The following MACROD2 variants were observed in gnomAD, a reference collection of about 807,000 sequenced individuals.
MACROD2 encodes the protein ADP-ribose glycohydrolase MACROD2.
MACROD2 carries 36 observed loss-of-function variants against 70.4 expected under a neutral mutation model. That is an observed-to-expected ratio of 0.51 (90% CI 0.39 to 0.68). The LOEUF is 0.68. MACROD2 is among the 30% of genes least tolerant of loss of function. The probability of loss-of-function intolerance (pLI) is 0.00; values close to 1 mark genes in which losing one functional copy is unlikely to be tolerated. For synonymous variants in MACROD2, 172 were observed against 178.8 expected (o/e 0.96, Z 0.30); for missense variants, 496 against 538.4 (o/e 0.92, Z 0.78).
chr20:14,050,987 G>A (rs185748695), intron 2 of MACROD2, among the ~76,000 whole-genome samples: 45 of 152,290 alleles, frequency 3.0e-4, no homozygotes, highest in Non-Finnish European at 5.1e-4. Flanking sequence ...TAATGCCGTG[G>A]CGTATTAGAT....
At chr20:15,468,296 A>G (rs1238378884) in intron 7 of MACROD2, among the ~76,000 whole-genome samples, 2 of 148,648 alleles carry the variant, frequency 1.3e-5, no homozygotes, top group East Asian at 3.9e-4. Flanking sequence ...TATTCAATTA[A>G]AAAAAAAAAG....
chr20:14,886,201 G>T (rs1033656501), intron 5 of MACROD2, among the ~76,000 whole-genome samples: 1 of 152,120 alleles, frequency 6.6e-6, no homozygotes, highest in Middle Eastern at 3.4e-3. Flanking sequence ...TGAAGTGAGG[G>T]GTCTAGCTAT....
Position 14,002,410 on chromosome 20 carries a change from T to A in MACROD2, c.163+6T>A. On this transcript the variant is annotated splice_donor_region_variant and intron_variant, in intron 2 of 17. Coordinates refer to ENST00000684519, the MANE Select transcript of MACROD2 (RefSeq NM_001351661.2). ...GGGCAAGGGCCAAAATGATGGTAAG[T>A]TTCTCGGAACATTTTTTAGGTAGAT... The A allele has an allele frequency of 6.4e-7, 1 of 1,553,688 alleles. No individual in the cohort carries two copies. The highest frequency in any genetic ancestry group is 8.8e-7 in the Non-Finnish European group (1 of 1,141,478).
At chr20:16,034,716 G>A (rs2147592676) in intron 15 of MACROD2, among the ~76,000 whole-genome samples, 1 of 151,810 alleles carries the variant, frequency 6.6e-6, no homozygotes, top group African/African-American at 2.4e-5. Context: ...GGTTACATGA[G>A]TAAGTTCTTT....
intron 8 of MACROD2, among the ~76,000 whole-genome samples, chr20:15,848,155 T>G (rs1045564598): frequency 7.9e-5 from 12 of 152,194 alleles, no homozygotes; most frequent in Admixed American, 7.2e-4. Flanking sequence ...GGAGAAATTC[T>G]TTTGGAAGTT....
chr20:14,803,717 G>A (rs1462209531), intron 5 of MACROD2, among the ~76,000 whole-genome samples: 1 of 152,022 alleles, frequency 6.6e-6, no homozygotes, highest in African/African-American at 2.4e-5. Context: ...CTGACCTCAG[G>A]CGATTCACCC....
At chr20:15,097,169 C>A (rs1206951636) in intron 5 of MACROD2, among the ~76,000 whole-genome samples, 1 of 152,078 alleles carries the variant, frequency 6.6e-6, no homozygotes, top group Non-Finnish European at 1.5e-5. Context: ...CCAAAAATTA[C>A]CTCAATATTT....
chr20:14,569,962 T>G (rs1980078307), intron 4 of MACROD2, among the ~76,000 whole-genome samples: 2 of 152,038 alleles, frequency 1.3e-5, no homozygotes, highest in African/African-American at 2.4e-5. Context: ...AGAAACATAT[T>G]TGGTAATAGA....
At chr20:14,874,775 G>A (rs1311478012) in intron 5 of MACROD2, among the ~76,000 whole-genome samples, 1 of 151,526 alleles carries the variant, frequency 6.6e-6, no homozygotes, top group Non-Finnish European at 1.5e-5. Flanking sequence ...TGCAATCTTG[G>A]CTCACTGCAG....
chr20:14,178,754 G>A lies in MACROD2; in HGVS notation c.271+93026G>A, dbSNP rs891945683. Among the ~76,000 whole-genome samples the A allele has an allele frequency of 1.2e-4, 14 of 120,650 alleles. No individual in the cohort carries two copies. In the East Asian group the frequency reaches 2.3e-3, roughly 20 times the overall value. The allele number at this position is 120,650 out of a possible 152,430, so 79.2% of individuals were successfully genotyped here. A position where few individuals can be genotyped will look rare whatever the true frequency, so the allele number is the denominator to read the frequency against. ...TTTTTTTTTTTTTTTTTTTTTGACC[G>A]TAGTGAGGAGTCATCTAGAGGTTTG... is the stretch of plus-strand genomic sequence containing the variant. On this transcript the variant is annotated intron_variant, in intron 3 of 17. Transcript: ENST00000684519.
intron 3 of MACROD2, among the ~76,000 whole-genome samples, chr20:14,284,711 A>G (rs1374037156): frequency 6.6e-6 from 1 of 152,214 alleles, no homozygotes; most frequent in African/African-American, 2.4e-5. Context: ...AAAGGCCTGT[A>G]GCAATCTCAG....
chr20:14,576,673 GT>G (rs1011240433), intron 4 of MACROD2, among the ~76,000 whole-genome samples: 1 of 152,130 alleles, frequency 6.6e-6, no homozygotes, highest in African/African-American at 2.4e-5. Flanking sequence ...TGCACTTTCT[GT>G]TTGCAAACAC....
At chr20:14,520,985 A>ACG (rs1208227997) in intron 4 of MACROD2, among the ~76,000 whole-genome samples, 4 of 151,470 alleles carry the variant, frequency 2.6e-5, no homozygotes, top group African/African-American at 9.7e-5. Flanking sequence ...GCACACACAC[A>ACG]CCCCCCAAAT....
At chr20:15,703,988 T>A (rs1264743016) in intron 8 of MACROD2, among the ~76,000 whole-genome samples, 1 of 152,160 alleles carries the variant, frequency 6.6e-6, no homozygotes, top group Admixed American at 6.5e-5. Flanking sequence ...TTGACACAGA[T>A]CAGTCTTAAT....
chr20:14,009,007 C>T (rs368054647), intron 2 of MACROD2, among the ~76,000 whole-genome samples: 9 of 152,132 alleles, frequency 5.9e-5, no homozygotes, highest in African/African-American at 2.2e-4. Flanking sequence ...AAACCCCAAA[C>T]TAAAAATCCT....
chr20:15,327,191 A>C (rs932059417), intron 6 of MACROD2, among the ~76,000 whole-genome samples: 1 of 152,146 alleles, frequency 6.6e-6, no homozygotes, highest in Non-Finnish European at 1.5e-5. Flanking sequence ...TAATAATAAC[A>C]AACTGGGAGA....
At chr20:14,593,088 C>T (rs1981887120) in intron 4 of MACROD2, among the ~76,000 whole-genome samples, 3 of 152,048 alleles carry the variant, frequency 2.0e-5, no homozygotes, top group Admixed American at 1.3e-4. Context: ...TGATGTTATA[C>T]GAAACTGTAT....
At chr20:15,470,538 G>A (rs2046951334) in intron 7 of MACROD2, among the ~76,000 whole-genome samples, 1 of 152,138 alleles carries the variant, frequency 6.6e-6, no homozygotes, top group Admixed American at 6.5e-5. Flanking sequence ...TACGGAGGAA[G>A]AGCCAGGGCA....
chr20:14,860,971 A>T (rs983534474), intron 5 of MACROD2, among the ~76,000 whole-genome samples: 1 of 150,248 alleles, frequency 6.7e-6, no homozygotes, highest in African/African-American at 2.4e-5. Flanking sequence ...AAAAAAAAAA[A>T]TTGCTTTGTT....
Sources: gnomAD v4.1 joint callset for allele counts (sites outside exome capture counted in the v4.1 genomes callset) on GRCh38, gnomAD v4.1.1 for gene constraint, MANE v1.5 for transcripts, NCBI Gene and HGNC (gene_info 2026-07-23, HGNC 2026-07-21) for gene names.